Variants in LINGO2 observed in about 807,000 individuals in gnomAD.
LINGO2 encodes leucine-rich repeat and immunoglobulin-like domain-containing nogo receptor-interacting protein 2.
In LINGO2, 14 loss-of-function variants were observed where a neutral mutation model predicts 30.6. The ratio of observed to expected loss-of-function variants is 0.46; its 90% CI spans 0.30 to 0.72. LINGO2 has a LOEUF of 0.72. Ranked by LOEUF, LINGO2 falls within the 30% of genes least tolerant of loss-of-function variation. The pLI is 0.07. For missense variants in LINGO2, 729 were observed against 751.7 expected, an observed-to-expected ratio of 0.97 and a Z score of 0.35; for synonymous variants, 317 against 288.5, an observed-to-expected ratio of 1.10 and a Z score of -1.00.
chr9:28,943,574 A>T, the LINGO2 span, among the ~76,000 whole-genome samples: 1 of 152,222 alleles, frequency 6.6e-6, no homozygotes, highest in Admixed American at 6.5e-5. Context: ...CTGTTAAGAA[A>T]GGCAAGGACT....
intron 4 of LINGO2, among the ~76,000 whole-genome samples, chr9:28,253,542 G>A (rs376456708): frequency 2.0e-5 from 3 of 152,038 alleles, no homozygotes; most frequent in African/African-American, 4.8e-5. Context: ...CTCTTGCATT[G>A]TATTTTTGTA....
chr9:27,950,423 C>T, exon 6 of LINGO2: 1 of 1,614,104 alleles, frequency 6.2e-7, no homozygotes, highest in Non-Finnish European at 8.5e-7. Flanking sequence ...CTATCTCTTC[C>T]AGCAGAGGAT....
chr9:28,736,297 CT>C, the LINGO2 span, among the ~76,000 whole-genome samples: 4 of 152,150 alleles, frequency 2.6e-5, no homozygotes, highest in Non-Finnish European at 5.9e-5. Flanking sequence ...TTGCCCCAGT[CT>C]TTTGCCTGGG....
At chr9:28,494,537 G>C (rs762310628) in intron 1 of LINGO2, among the ~76,000 whole-genome samples, 19 of 152,068 alleles carry the variant, frequency 1.2e-4, no homozygotes, top group South Asian at 2.1e-4. Context: ...TCCCTACAAA[G>C]GACATGAACT....
At chr9:28,291,294 A>T (rs1363092009) in intron 4 of LINGO2, among the ~76,000 whole-genome samples, 1 of 152,198 alleles carries the variant, frequency 6.6e-6, no homozygotes. Flanking sequence ...CTTTGAGATC[A>T]TTAGGCATTG....
chr9:29,113,488 G>A, the LINGO2 span, among the ~76,000 whole-genome samples: 316 of 152,250 alleles, frequency 2.1e-3, 1 homozygote, highest in African/African-American at 7.3e-3. Context: ...CATCTTGTTT[G>A]TGCCCTAATT....
intron 4 of LINGO2, among the ~76,000 whole-genome samples, chr9:28,026,666 C>T (rs74563237): frequency 0.013 from 2,043 of 152,258 alleles, 52 homozygotes; most frequent in African/African-American, 0.047. Flanking sequence ...TCAGTCAATA[C>T]ATCTTACTGT....
the LINGO2 span, among the ~76,000 whole-genome samples, chr9:28,731,700 A>T: frequency 6.6e-6 from 1 of 152,174 alleles, no homozygotes; most frequent in Non-Finnish European, 1.5e-5. Flanking sequence ...AGGTGATAAA[A>T]TTGTGTAGAA....
At chr9:28,939,180 A>AAGCTACTTAAG in the LINGO2 span, among the ~76,000 whole-genome samples, 1 of 151,148 alleles carries the variant, frequency 6.6e-6, no homozygotes, top group Non-Finnish European at 1.5e-5. Flanking sequence ...AGGCTACTTA[A>AAGCTACTTAAG]GCTACTTAAG....
At chr9:28,348,613 G>C (rs1819698225) in intron 3 of LINGO2, among the ~76,000 whole-genome samples, 1 of 152,332 alleles carries the variant, frequency 6.6e-6, no homozygotes, top group Admixed American at 6.5e-5. Flanking sequence ...GGTAAACAAA[G>C]CAGCCTGGAA....
intron 4 of LINGO2, among the ~76,000 whole-genome samples, chr9:28,228,292 G>C (rs1353029204): frequency 2.6e-5 from 4 of 151,928 alleles, no homozygotes; most frequent in African/African-American, 9.7e-5. Flanking sequence ...TTTTTAGAAA[G>C]CTCTCAGTGT....
At chr9:28,687,780 T>G in the LINGO2 span, among the ~76,000 whole-genome samples, 1 of 152,172 alleles carries the variant, frequency 6.6e-6, no homozygotes, top group African/African-American at 2.4e-5. Context: ...TTCAGCTGTT[T>G]TAATGGAAAT....
chr9:29,196,976 T>A, the LINGO2 span, among the ~76,000 whole-genome samples: 2 of 152,040 alleles, frequency 1.3e-5, no homozygotes, highest in Non-Finnish European at 1.5e-5. Flanking sequence ...CAACTGGCCA[T>A]AGAAATACCT....
intron 4 of LINGO2, among the ~76,000 whole-genome samples, chr9:28,157,620 G>A (rs1305918065): frequency 6.6e-6 from 1 of 151,998 alleles, no homozygotes; most frequent in South Asian, 2.1e-4. Flanking sequence ...CTATCATCTC[G>A]TGAGGCTGCA....
chr9:28,713,069 C>A, the LINGO2 span, among the ~76,000 whole-genome samples: 2 of 151,898 alleles, frequency 1.3e-5, 1 homozygote, highest in South Asian at 4.1e-4. Flanking sequence ...TTTCACCATG[C>A]TGGTCAGGCT....
chr9:28,773,061 G>C, the LINGO2 span, among the ~76,000 whole-genome samples: 23 of 152,120 alleles, frequency 1.5e-4, 1 homozygote, highest in East Asian at 4.1e-3. Flanking sequence ...ACAAATGTAA[G>C]GCAACAAAAG....
chr9:28,393,262 C>A (rs1821907792), intron 2 of LINGO2, among the ~76,000 whole-genome samples: 1 of 152,234 alleles, frequency 6.6e-6, no homozygotes, highest in African/African-American at 2.4e-5. Context: ...CATGGAGATC[C>A]AGTTCTAGAA....
At chr9:28,156,424 C>G (rs533033380) in intron 4 of LINGO2, among the ~76,000 whole-genome samples, 1 of 152,208 alleles carries the variant, frequency 6.6e-6, no homozygotes, top group Non-Finnish European at 1.5e-5. Flanking sequence ...AGTATTGACT[C>G]TCATTCTATC....
rs372223569 is a variant in LINGO2, at chr9:28,313,732, C to G, written c.-245-18366G>C. Among the ~76,000 whole-genome samples, 68 of 152,258 alleles carry G rather than the reference C, an allele frequency of 4.5e-4. No homozygotes were observed. In the South Asian group the frequency reaches 0.014, roughly 31 times the overall value. ...TGAAATTAGCATGAAGTAATAAATT[C>G]TTTCCCTAATGCAAACTGGAAATGG... is the stretch of plus-strand genomic sequence containing the variant. On this transcript the variant is annotated intron_variant, in intron 3 of 5. Transcript: ENST00000379992.
Sources: gnomAD v4.1 joint callset for allele counts (sites outside exome capture counted in the v4.1 genomes callset) on GRCh38, gnomAD v4.1.1 for gene constraint, MANE v1.5 for transcripts, NCBI Gene and HGNC (gene_info 2026-07-23, HGNC 2026-07-21) for gene names.